PALD1: variants seen among roughly 807,000 people sequenced by gnomAD.
PALD1 encodes the protein phosphatase domain containing paladin 1, also known as paladin.
PALD1 carries 57 observed loss-of-function variants against 96.0 expected under a neutral mutation model. The observed-to-expected ratio is 0.59, with a 90% CI of 0.48 to 0.74. PALD1 has a LOEUF of 0.74. PALD1 is among the 30% of genes least tolerant of loss of function. The pLI, the probability that PALD1 is intolerant of heterozygous loss-of-function variation, is 0.00. For synonymous variants in PALD1, 464 were observed against 473.6 expected (o/e 0.98, Z 0.26); for missense variants, 1,063 against 1,143.7 (o/e 0.93, Z 1.02).
chr10:70,562,353 A>G lies in PALD1; in HGVS notation c.2263-2011A>G, dbSNP rs558789991. Among the ~76,000 whole-genome samples the G allele has an allele frequency of 2.0e-5, 3 of 152,268 alleles. No homozygotes were observed. The South Asian group carries it at 6.2e-4, about 32-fold the overall frequency. ...ATCTACTCTGCGACCCTGGAGGCAA[A>G]GACAGCAAAGGCCGTGGAGGTAGAA... On this transcript the variant is annotated intron_variant, in intron 18 of 19. Transcript: ENST00000263563.
intron 1 of PALD1, among the ~76,000 whole-genome samples, chr10:70,511,919 C>T (rs1018957669): frequency 6.6e-6 from 1 of 151,780 alleles, no homozygotes; most frequent in Admixed American, 6.6e-5. Flanking sequence ...CCCAGCTACT[C>T]GGGAGGCTGA....
At chr10:70,463,971 A>C in the PALD1 span, among the ~76,000 whole-genome samples, 13 of 152,322 alleles carry the variant, frequency 8.5e-5, no homozygotes, top group South Asian at 2.7e-3. Context: ...CACATACAGT[A>C]AAGTGTACTA....
intron 17 of PALD1, among the ~76,000 whole-genome samples, chr10:70,542,028 C>T (rs2132401667): frequency 6.6e-6 from 1 of 152,336 alleles, no homozygotes; most frequent in Non-Finnish European, 1.5e-5. Context: ...TCTCAGGCAT[C>T]CCGAGAGTCG....
chr10:70,554,289 C>G (rs553358429), intron 18 of PALD1, among the ~76,000 whole-genome samples: 88 of 152,228 alleles, frequency 5.8e-4, no homozygotes, highest in African/African-American at 1.9e-3. Flanking sequence ...ATTAGCCGAG[C>G]GTGGTGGCGC....
In PALD1 at chr10:70,525,932, CCT is replaced by C. The variant is rs1431103395; in HGVS notation, c.-19_-18del. 6.2e-7 allele frequency: 1 copy of C among 1,613,550 alleles called. No homozygotes were observed. The highest frequency in any genetic ancestry group is 8.5e-7 in the Non-Finnish European group (1 of 1,179,858). ...CCCTCTTATCCTACAGGTCTGGGGT[CCT>C]GAGGCTGCTGGCAGACTATGGGTAC... On this transcript the variant is annotated 5_prime_UTR_variant, in exon 2 of 20. An upstream open reading frame in the 5' UTR loses its in-frame stop. Transcript: ENST00000263563.
intron 1 of PALD1, among the ~76,000 whole-genome samples, chr10:70,479,400 T>G (rs188444059): frequency 6.6e-6 from 1 of 151,814 alleles, no homozygotes; most frequent in Non-Finnish European, 1.5e-5. Context: ...TAGGGGGAGA[T>G]TGGGGAGAGG....
rs1033931586 is a variant in PALD1, at chr10:70,478,817, G to A, written c.-272G>A. On this transcript the variant is annotated 5_prime_UTR_variant, in exon 1 of 20. Coordinates refer to ENST00000263563, the MANE Select transcript of PALD1 (RefSeq NM_014431.3). ...AGCAGCGCGGCGCGCACGGGCCGGG[G>A]CGCGCAGGTCCCGTCGCCGGTGAGC... is the stretch of plus-strand genomic sequence containing the variant. The A allele has an allele frequency of 6.6e-6, 1 of 151,622 alleles. No individual in the cohort carries two copies. Among genetic ancestry groups the A allele is most frequent in the East Asian group, 1.9e-4 (1 of 5,180 alleles). The allele number at this position is 151,622 out of a possible 1,614,324, so 9.4% of individuals were successfully genotyped here. A position where few individuals can be genotyped will look rare whatever the true frequency, so the allele number is the denominator to read the frequency against.
At chr10:70,486,502 T>A (rs957191838) in intron 1 of PALD1, among the ~76,000 whole-genome samples, 9 of 152,150 alleles carry the variant, frequency 5.9e-5, no homozygotes, top group Non-Finnish European at 8.8e-5. Flanking sequence ...GGCTCACACC[T>A]GTAATCCCAG....
Position 70,532,737 on chromosome 10 carries a change from G to C in PALD1, c.750G>C (p.Thr250=). Reference sequence around the variant, plus strand: ...ATGGTGAGGACGACTTGCATGTGACGGAGGAGGTGTACAAGCGGCCCCTCT... The same window carrying C: ...ATGGTGAGGACGACTTGCATGTGACCGAGGAGGTGTACAAGCGGCCCCTCT... The part of the protein sequence containing the change: ...AIHGEDDLHV[T]EEVYKRPLFL... The change falls in exon 6 of 20, where the codon ACG becomes ACC. Residue 250 remains threonine, a synonymous_variant. Transcript: ENST00000263563. 1 of 1,614,194 alleles carries C rather than the reference G, an allele frequency of 6.2e-7. No individual in the cohort carries two copies. Among genetic ancestry groups the C allele is most frequent in the Non-Finnish European group, 8.5e-7 (1 of 1,180,022 alleles).
intron 17 of PALD1, among the ~76,000 whole-genome samples, chr10:70,543,350 A>G (rs1847292959): frequency 6.6e-6 from 1 of 152,174 alleles, no homozygotes; most frequent in South Asian, 2.1e-4. Context: ...TTACTCATTG[A>G]TAGTGTCATT....
chr10:70,512,306 T>TAAATCTGGGCCATTTCCAGGC (rs556387130), intron 1 of PALD1, among the ~76,000 whole-genome samples: 290 of 152,296 alleles, frequency 1.9e-3, no homozygotes, highest in Non-Finnish European at 3.2e-3. Context: ...GATTTTTGAT[T>TAAATCTGGGCCATTTCCAGGC]AAATCTGGGC....
chr10:70,516,927 T>C (rs1276568508), intron 1 of PALD1, among the ~76,000 whole-genome samples: 1 of 152,034 alleles, frequency 6.6e-6, no homozygotes. Context: ...ATCCGGTATG[T>C]ATGTTACACT....
chr10:70,474,984 G>GT (rs150765134), upstream of PALD1, among the ~76,000 whole-genome samples: 3,614 of 152,244 alleles, frequency 0.024, 116 homozygotes, highest in African/African-American at 0.072. Context: ...GCCCTGGCAG[G>GT]TTCAGGGCTA....
intron 17 of PALD1, among the ~76,000 whole-genome samples, chr10:70,543,061 GTTT>G (rs57980012): frequency 8.1e-6 from 1 of 123,096 alleles, no homozygotes; most frequent in Non-Finnish European, 1.7e-5. Flanking sequence ...GTGCCCAGCC[GTTT>G]TTTTTTTTTT....
chr10:70,502,647 A>G (rs1846320748), intron 1 of PALD1, among the ~76,000 whole-genome samples: 1 of 152,208 alleles, frequency 6.6e-6, no homozygotes, highest in Non-Finnish European at 1.5e-5. Context: ...CTAACAGGAT[A>G]TGGGGCAAAA....
intron 1 of PALD1, among the ~76,000 whole-genome samples, chr10:70,493,589 T>C (rs1015439047): frequency 3.3e-5 from 5 of 152,216 alleles, no homozygotes; most frequent in African/African-American, 1.2e-4. Flanking sequence ...GTCTGTTCAG[T>C]CCTCACTGCA....
At chr10:70,480,895 T>C (rs944740367) in intron 1 of PALD1, among the ~76,000 whole-genome samples, 6 of 152,206 alleles carry the variant, frequency 3.9e-5, no homozygotes, top group African/African-American at 7.2e-5. Context: ...TGGATACATA[T>C]ATACTTGAGG....
At chr10:70,474,703 T>C (rs975609523), upstream of PALD1, among the ~76,000 whole-genome samples, 1 of 152,214 alleles carries the variant, frequency 6.6e-6, no homozygotes, top group African/African-American at 2.4e-5. Context: ...GTTTGAACCT[T>C]GTGTATGAAT....
At chr10:70,520,972 G>A (rs1257848465) in intron 1 of PALD1, among the ~76,000 whole-genome samples, 1 of 152,132 alleles carries the variant, frequency 6.6e-6, no homozygotes, top group African/African-American at 2.4e-5. Flanking sequence ...GATTACAGGC[G>A]TGAGCCACCG....
Sources: allele counts gnomAD v4.1 joint callset (sites outside exome capture counted in the v4.1 genomes callset), GRCh38; gene constraint gnomAD v4.1.1; transcripts MANE v1.5; gene names NCBI Gene and HGNC (gene_info 2026-07-23, HGNC 2026-07-21).